Variants in GALNT13 observed in about 807,000 individuals in gnomAD.
GALNT13 encodes polypeptide N-acetylgalactosaminyltransferase 13.
In GALNT13, 28 loss-of-function variants were observed where a neutral mutation model predicts 64.2. The observed-to-expected ratio is 0.44, with a 90% CI of 0.32 to 0.60. GALNT13 has a LOEUF of 0.60. GALNT13 is among the 20% of genes least tolerant of loss of function. The pLI, the probability that GALNT13 is intolerant of heterozygous loss-of-function variation, is 0.05. For synonymous variants in GALNT13, 214 were observed against 224.6 expected, an observed-to-expected ratio of 0.95 and a Z score of 0.42; for missense variants, 577 against 669.8, an observed-to-expected ratio of 0.86 and a Z score of 1.53.
chr2:154,290,603 CCAA>C (rs1692552612), intron 8 of GALNT13, among the ~76,000 whole-genome samples: 2 of 152,148 alleles, frequency 1.3e-5, no homozygotes, highest in Admixed American at 1.3e-4. Context: ...AAGCCTGAGA[CCAA>C]ATTTGGGGGA....
chr2:153,499,079 C>G, the GALNT13 span, among the ~76,000 whole-genome samples: 447 of 152,264 alleles, frequency 2.9e-3, 16 homozygotes, highest in East Asian at 0.081. Context: ...ATCTGATCTC[C>G]TTACCTCGTG....
At chr2:153,677,857 C>G in the GALNT13 span, among the ~76,000 whole-genome samples, 1 of 152,034 alleles carries the variant, frequency 6.6e-6, no homozygotes. Flanking sequence ...GGACCCGTTC[C>G]TTTTGCCTTA....
chr2:154,142,125 A>G (rs1216002557), intron 4 of GALNT13, among the ~76,000 whole-genome samples: 1 of 152,186 alleles, frequency 6.6e-6, no homozygotes, highest in East Asian at 1.9e-4. Context: ...ATTTTTCTCT[A>G]CATGCAATAG....
At chr2:153,859,834 G>C in the GALNT13 span, among the ~76,000 whole-genome samples, 1 of 152,098 alleles carries the variant, frequency 6.6e-6, no homozygotes, top group African/African-American at 2.4e-5. Context: ...ACAAAGACTT[G>C]TAGTAAATAC....
the GALNT13 span, among the ~76,000 whole-genome samples, chr2:153,813,655 G>A: frequency 6.6e-5 from 10 of 152,130 alleles, no homozygotes; most frequent in South Asian, 1.9e-3. Context: ...ACAACTTCCC[G>A]CAAATGATTA....
intron 4 of GALNT13, among the ~76,000 whole-genome samples, chr2:154,239,049 C>A (rs1689342589): frequency 6.6e-6 from 1 of 151,984 alleles, no homozygotes. Context: ...AATTTTTATG[C>A]TACATTAAAT....
the GALNT13 span, among the ~76,000 whole-genome samples, chr2:153,241,230 G>T: frequency 1.1e-4 from 16 of 152,108 alleles, no homozygotes; most frequent in Admixed American, 3.3e-4. Context: ...CTGACGAGGG[G>T]AGACTATCCA....
At chr2:154,219,570 T>G (rs1688218023) in intron 4 of GALNT13, among the ~76,000 whole-genome samples, 2 of 152,126 alleles carry the variant, frequency 1.3e-5, no homozygotes, top group South Asian at 4.1e-4. Context: ...CAAGTTCTGT[T>G]TTTAATTTCA....
the GALNT13 span, among the ~76,000 whole-genome samples, chr2:153,713,491 G>A: frequency 6.6e-6 from 1 of 152,062 alleles, no homozygotes; most frequent in Non-Finnish European, 1.5e-5. Flanking sequence ...AGGAGACCAT[G>A]TCTTTTTTTT....
At chr2:153,514,818 C>G in the GALNT13 span, among the ~76,000 whole-genome samples, 6 of 152,162 alleles carry the variant, frequency 3.9e-5, no homozygotes, top group Non-Finnish European at 8.8e-5. Context: ...CAGTGCCTAA[C>G]AGGTGCTGTG....
chr2:153,209,921 A>T, the GALNT13 span, among the ~76,000 whole-genome samples: 6 of 152,064 alleles, frequency 3.9e-5, no homozygotes, highest in Non-Finnish European at 7.4e-5. Flanking sequence ...ATGTTTTTTC[A>T]TGCTATTGTA....
chr2:154,061,121 C>T (rs1190554849), intron 3 of GALNT13, among the ~76,000 whole-genome samples: 1 of 151,896 alleles, frequency 6.6e-6, no homozygotes, highest in Non-Finnish European at 1.5e-5. Context: ...AAAGAATATC[C>T]CTATCCCCTT....
At chr2:154,386,931 T>C (rs1244467806) in intron 9 of GALNT13, among the ~76,000 whole-genome samples, 1 of 152,110 alleles carries the variant, frequency 6.6e-6, no homozygotes, top group Non-Finnish European at 1.5e-5. Context: ...TAGAGTTAAA[T>C]AAATTGAAAG....
intron 3 of GALNT13, among the ~76,000 whole-genome samples, chr2:154,099,456 T>A (rs1293180445): frequency 2.0e-5 from 3 of 152,062 alleles, no homozygotes; most frequent in Non-Finnish European, 4.4e-5. Flanking sequence ...CTTTTGTTGC[T>A]TGTGCTATCA....
the GALNT13 span, among the ~76,000 whole-genome samples, chr2:153,542,073 T>G: frequency 6.6e-6 from 1 of 152,010 alleles, no homozygotes; most frequent in Non-Finnish European, 1.5e-5. Flanking sequence ...AACCCAGCAT[T>G]TTGGGAGGCT....
At chr2:153,377,158 A>G in the GALNT13 span, among the ~76,000 whole-genome samples, 22 of 152,182 alleles carry the variant, frequency 1.4e-4, no homozygotes, top group Non-Finnish European at 1.9e-4. Context: ...TGCACAGAAG[A>G]AAGAGTATGG....
chr2:153,457,907 C>G, the GALNT13 span, among the ~76,000 whole-genome samples: 2 of 152,202 alleles, frequency 1.3e-5, no homozygotes, highest in Non-Finnish European at 2.9e-5. Flanking sequence ...ATGTTCCATA[C>G]CCTCCCCATC....
chr2:154,039,810 A>T (rs66875349), intron 3 of GALNT13, among the ~76,000 whole-genome samples: 30,250 of 139,300 alleles, frequency 0.22, 7,657 homozygotes, highest in East Asian at 0.84. Context: ...ATTTGAGGTG[A>T]TGGATATGCT....
chr2:153,482,195 A>G, the GALNT13 span, among the ~76,000 whole-genome samples: 43,669 of 151,996 alleles, frequency 0.29, 6,427 homozygotes, highest in Middle Eastern at 0.35. Flanking sequence ...TTCTTTGTCT[A>G]TTTTTCTTAA....
Sources: gnomAD v4.1 joint callset for allele counts (sites outside exome capture counted in the v4.1 genomes callset) on GRCh38, gnomAD v4.1.1 for gene constraint, MANE v1.5 for transcripts, NCBI Gene and HGNC (gene_info 2026-07-23, HGNC 2026-07-21) for gene names.